The following FGFR3 variants were observed in gnomAD, a reference collection of about 807,000 sequenced individuals.
FGFR3 encodes the protein FGFR-3.
A neutral mutation model predicts 82.9 loss-of-function variants in FGFR3; 25 were observed. The observed-to-expected ratio is 0.30, with a 90% CI of 0.22 to 0.42. The LOEUF (loss-of-function observed/expected upper bound fraction) is 0.42. Ranked by LOEUF, FGFR3 falls within the 10% of genes least tolerant of loss-of-function variation. FGFR3 has a pLI of 1.00. For synonymous variants in FGFR3, 620 were observed against 516.0 expected, an observed-to-expected ratio of 1.20 and a Z score of -2.73; for missense variants, 1,026 against 1,161.0, an observed-to-expected ratio of 0.88 and a Z score of 1.69.
In FGFR3 at chr4:1,804,486, T is replaced by G. The variant is rs2108798094; in HGVS notation, c.1232T>G (p.Val411Gly). Reference protein sequence around the residue: ...PPKKGLGSPTVHKISRFPLKR... With the variant: ...PPKKGLGSPTGHKISRFPLKR... The stretch of plus-strand genomic sequence containing the variant: ...AAGAAAGGCCTGGGCTCCCCCACCG[T>G]GCACAAGATCTCCCGCTTCCCGCTC... Residue 411 changes from valine (V) to glycine (G), a missense_variant, in exon 9 of 18, where the codon GTG (valine) becomes GGG (glycine). Transcript: ENST00000440486. The G allele has an allele frequency of 1.2e-6, 2 of 1,612,992 alleles. No individual in the cohort carries two copies. Among genetic ancestry groups the G allele is most frequent in the Non-Finnish European group, 1.7e-6 (2 of 1,179,912 alleles).
In FGFR3 at chr4:1,806,164, G is replaced by C. The variant is rs28928868; in HGVS notation, c.1950G>C (p.Lys650Asn). 2 of 1,613,044 alleles carry C rather than the reference G, an allele frequency of 1.2e-6. No individual in the cohort carries two copies. Among genetic ancestry groups the C allele is most frequent in the African/African-American group, 1.3e-5 (1 of 75,060 alleles). ...RDVHNLDYYK[K>N]TTNGRLPVKW... ...TGCACAACCTCGACTACTACAAGAA[G>C]ACGACCAACGTGAGCCCGGCCCTGG... The change falls in exon 14 of 18, where the codon AAG becomes AAC. Residue 650 changes from lysine (K) to asparagine (N), a missense_variant. Lys to Asn is a moderately conservative substitution (Grantham distance 94). Around this residue, in one of 9 missense-constraint regions of FGFR3, gnomAD observed 45 missense variants for 80.8 expected, o/e 0.56. Transcript: ENST00000440486.
chr4:1,804,606 G>C lies in FGFR3; in HGVS notation c.1266+86G>C, dbSNP rs549291798. The C allele has an allele frequency of 4.8e-5, 75 of 1,554,246 alleles. No individual in the cohort carries two copies. The Admixed American group carries it at 1.2e-3, about 26-fold the overall frequency. ...CCTCGGCCCACGCTGGTCCTGGGCT[G>C]TGTGAGCCCTCTCTGCAGCCAGGCG... On this transcript the variant is annotated intron_variant, in intron 9 of 17. Transcript: ENST00000440486.
At position 1,802,031 on chromosome 4, in the gene FGFR3, C is replaced by A; in HGVS notation, c.930+6C>A. ...CCTACGTTACCGTGCTCAAGGTGGGCCACCGTGTGCACGTGGGTGCCGCCG... is the reference window on the plus strand; with the variant it reads ...CCTACGTTACCGTGCTCAAGGTGGGACACCGTGTGCACGTGGGTGCCGCCG... On this transcript the variant is annotated splice_donor_region_variant and intron_variant, in intron 7 of 17. Transcript: ENST00000440486. 6.2e-7 allele frequency: 1 copy of A among 1,609,984 alleles called. No individual in the cohort carries two copies. The highest frequency in any genetic ancestry group is 1.1e-5 in the South Asian group (1 of 90,718).
chr4:1,808,227 C>T lies in FGFR3; in HGVS notation c.*965C>T, dbSNP rs1466245574. ...TATTGACAACCGAGAAGGTTTATCC[C>T]GCCGATAGAGGGACGGCCAAGAATG... is the stretch of plus-strand genomic sequence containing the variant. On this transcript the variant is annotated 3_prime_UTR_variant, in exon 18 of 18. Coordinates refer to ENST00000440486, the MANE Select transcript of FGFR3 (RefSeq NM_000142.5). 4 of 232,662 alleles carry T rather than the reference C, an allele frequency of 1.7e-5. No individual in the cohort carries two copies. The highest frequency in any genetic ancestry group is 6.1e-5 in the East Asian group (1 of 16,526). 14.4% of individuals were successfully genotyped at this position (232,662 alleles called of 1,614,324 possible). A position where few individuals can be genotyped will look rare whatever the true frequency, so the allele number is the denominator to read the frequency against.
intron 15 of FGFR3, 76 bp downstream of exon 15, chr4:1,806,403 C>T (rs763189805): frequency 1.1e-5 from 17 of 1,603,988 alleles, no homozygotes; most frequent in Non-Finnish European, 1.4e-5. Context: ...GCTGCAGTCC[C>T]CAGGCCTGTG....
intron 3 of FGFR3, 25 bp from the exon 4 acceptor site, chr4:1,799,722 G>A (rs772443967): frequency 6.2e-7 from 1 of 1,612,356 alleles, no homozygotes; most frequent in East Asian, 2.2e-5. Flanking sequence ...GTTGGGCATT[G>A]GTTGCGGCCA....
intron 11 of FGFR3, 27 bp downstream of exon 11, chr4:1,805,503 G>C (rs1412892331): frequency 5.0e-6 from 8 of 1,612,336 alleles, no homozygotes; most frequent in Admixed American, 1.7e-5. Flanking sequence ...CAGGGGTGCA[G>C]AGCAGGGCTG....
chr4:1,803,888 T>C (rs2108794202), intron 8 of FGFR3, 52 bp downstream of exon 8: 1 of 1,580,390 alleles, frequency 6.3e-7, no homozygotes, highest in Non-Finnish European at 8.7e-7. Flanking sequence ...GGACGCTGGC[T>C]CGGGACACGC....
chr4:1,804,714 T>C (rs1452081469), intron 9 of FGFR3, 110 bp from the exon 10 acceptor site: 1 of 1,446,912 alleles, frequency 6.9e-7, no homozygotes, highest in Non-Finnish European at 9.4e-7. Flanking sequence ...CTTCATTCAA[T>C]GCTGGTGGAA....
chr4:1,801,342 C>T, intron 4 of FGFR3, 25 bp from the exon 5 acceptor site: 1 of 1,546,304 alleles, frequency 6.5e-7, no homozygotes, highest in Non-Finnish European at 8.7e-7. Flanking sequence ...CGGGTCATGG[C>T]CTTCACACGC....
intron 7 of FGFR3, chr4:1,803,243 C>T: frequency 1.3e-6 from 1 of 753,070 alleles, no homozygotes; most frequent in Non-Finnish European, 1.9e-6. Context: ...CGCTTCGAGC[C>T]CTGTGGCCTG....
At position 1,807,845 on chromosome 4, in the gene FGFR3, T is replaced by A. The variant is rs1722160575; in HGVS notation, c.*583T>A. On this transcript the variant is annotated 3_prime_UTR_variant, in exon 18 of 18. Transcript: ENST00000440486. ...GCCTTTACCTTTTATGCAAAAGGTT[T>A]ATTCCGGAAACTAGTGTACATTTCT... 4.6e-6 allele frequency: 2 copies of A among 437,324 alleles called. No individual in the cohort carries two copies. Among genetic ancestry groups the A allele is most frequent in the Admixed American group, 7.0e-5 (2 of 28,628 alleles). 27.1% of individuals were successfully genotyped at this position (437,324 alleles called of 1,614,324 possible).
At chr4:1,803,045 C>T (rs751289792) in intron 7 of FGFR3, 45 of 1,596,860 alleles carry the variant, frequency 2.8e-5, no homozygotes, top group Middle Eastern at 1.7e-4. Context: ...TTTGGCTGAG[C>T]GTTCACGGGC....
chr4:1,802,541 A>G (rs930438915), intron 7 of FGFR3, among the ~76,000 whole-genome samples: 2 of 152,150 alleles, frequency 1.3e-5, no homozygotes, highest in East Asian at 1.9e-4. Flanking sequence ...GCCCAAAGAG[A>G]AACATCTGTT....
chr4:1,804,759 C>T (rs2108799389), intron 9 of FGFR3, 65 bp from the exon 10 acceptor site: 5 of 1,544,156 alleles, frequency 3.2e-6, no homozygotes, highest in Non-Finnish European at 4.4e-6. Context: ...CAGCACTGAC[C>T]CCCGGCTGTA....
rs1284791613 is a variant in FGFR3 at position 1,807,595 on chromosome 4, G to A, written c.*333G>A. On this transcript the variant is annotated 3_prime_UTR_variant, in exon 18 of 18. Coordinates refer to ENST00000440486, the MANE Select transcript of FGFR3 (RefSeq NM_000142.5). The stretch of plus-strand genomic sequence containing the variant: ...GCCCACCCGGTGGGACCCCCGTGGG[G>A]CAGGGAGCTGGGCCCGACATGGCTC... 3.0e-6 allele frequency: 2 copies of A among 677,862 alleles called. No individual in the cohort carries two copies. The highest frequency in any genetic ancestry group is 1.8e-5 in the Admixed American group (1 of 56,170). 42.0% of individuals were successfully genotyped at this position (677,862 alleles called of 1,614,324 possible).
At chr4:1,805,010 G>T in intron 10 of FGFR3, 41 bp downstream of exon 10, 2 of 1,517,368 alleles carry the variant, frequency 1.3e-6, no homozygotes, top group Non-Finnish European at 8.9e-7. Context: ...TAGGGGGCTT[G>T]GTGGTGGGGG....
At chr4:1,799,644 A>G in intron 3 of FGFR3, 103 bp from the exon 4 acceptor site, 1 of 1,558,744 alleles carries the variant, frequency 6.4e-7, no homozygotes, top group African/African-American at 1.3e-5. Flanking sequence ...GGGCACCCCC[A>G]GGAAGTGCTG....
intron 7 of FGFR3, chr4:1,802,774 C>A: frequency 9.3e-7 from 1 of 1,077,794 alleles, no homozygotes; most frequent in Non-Finnish European, 1.3e-6. Context: ...CCGTGAAGTG[C>A]CTCCACGCCT....
Sources: allele counts gnomAD v4.1 joint callset (sites outside exome capture counted in the v4.1 genomes callset), GRCh38; gene constraint gnomAD v4.1.1; regional missense constraint gnomAD v4.1.1; transcripts MANE v1.5; gene names NCBI Gene and HGNC (gene_info 2026-07-23, HGNC 2026-07-21).